Variants in LAMA1 observed in about 807,000 individuals in gnomAD.
LAMA1 encodes the protein laminin subunit alpha 1, also known as laminin subunit alpha-1.
A neutral mutation model predicts 348.7 loss-of-function variants in LAMA1; 219 were observed. The observed-to-expected ratio is 0.63, with a 90% CI of 0.56 to 0.70. The LOEUF (loss-of-function observed/expected upper bound fraction) is 0.70, where lower values mean the gene tolerates loss of function less well. Among genes scored for constraint, LAMA1 ranks in the 30% least tolerant of loss-of-function variants. LAMA1 has a pLI of 0.00. For synonymous variants in LAMA1, 1,487 were observed against 1,491.0 expected, an observed-to-expected ratio of 1.00 and a Z score of 0.06; for missense variants, 3,744 against 3,888.0, an observed-to-expected ratio of 0.96 and a Z score of 0.99.
chr18:7,063,768 T>C (rs1162786374), intron 3 of LAMA1, among the ~76,000 whole-genome samples: 2 of 152,130 alleles, frequency 1.3e-5, no homozygotes, highest in East Asian at 3.8e-4. Context: ...ACAAATAGAA[T>C]ATGATTCCAC....
chr18:7,021,057 T>C (rs1318968110), intron 19 of LAMA1, among the ~76,000 whole-genome samples: 1 of 152,156 alleles, frequency 6.6e-6, no homozygotes, highest in Non-Finnish European at 1.5e-5. Context: ...TCCATTCTGG[T>C]CACTCTCTCT....
intron 22 of LAMA1, 104 bp downstream of exon 22, chr18:7,015,618 T>TA (rs943355325): frequency 3.3e-5 from 41 of 1,257,234 alleles, no homozygotes; most frequent in Admixed American, 3.2e-4. Flanking sequence ...TTCACAAAGC[T>TA]ATTCAACAGA....
chr18:6,958,074 T>A (rs188747843), intron 55 of LAMA1, among the ~76,000 whole-genome samples: 3 of 152,300 alleles, frequency 2.0e-5, no homozygotes, highest in Admixed American at 2.0e-4. Context: ...CAGTAATTGT[T>A]TTTGGGGAAG....
chr18:7,072,142 T>C (rs77812840), intron 3 of LAMA1, among the ~76,000 whole-genome samples: 15 of 152,374 alleles, frequency 9.8e-5, no homozygotes, highest in Middle Eastern at 6.8e-3. Flanking sequence ...AGAATAATTA[T>C]TGACTTATGA....
chr18:6,953,654 C>T (rs987748951), intron 57 of LAMA1: 5 of 152,314 alleles, frequency 3.3e-5, no homozygotes, highest in Middle Eastern at 6.8e-3. Flanking sequence ...CTCCCTATAC[C>T]TCAATCTCCT....
intron 57 of LAMA1, among the ~76,000 whole-genome samples, chr18:6,951,375 A>G (rs1300756574): frequency 6.6e-6 from 1 of 152,226 alleles, no homozygotes; most frequent in Non-Finnish European, 1.5e-5. Context: ...TGAGAGCTTG[A>G]TGGCAGGGGA....
intron 1 of LAMA1, among the ~76,000 whole-genome samples, chr18:7,081,578 G>C (rs2058193604): frequency 2.6e-5 from 4 of 152,202 alleles, no homozygotes; most frequent in Admixed American, 6.5e-5. Context: ...GCCAAGATCA[G>C]TACCAGGTCC....
At chr18:6,998,824 G>T (rs2057794277) in intron 32 of LAMA1, among the ~76,000 whole-genome samples, 1 of 152,178 alleles carries the variant, frequency 6.6e-6, no homozygotes, top group Non-Finnish European at 1.5e-5. Flanking sequence ...CCTGAGGTCA[G>T]GAGTTCAAGA....
At chr18:6,968,794 C>A (rs569070173) in intron 48 of LAMA1, among the ~76,000 whole-genome samples, 1 of 152,252 alleles carries the variant, frequency 6.6e-6, no homozygotes, top group East Asian at 1.9e-4. Context: ...AGTTTCAATT[C>A]ATTTACTTGG....
chr18:6,961,674 G>A lies in LAMA1; in HGVS notation c.7538C>T (p.Thr2513Ile), dbSNP rs2057608273. 1 of 1,614,088 alleles carries A rather than the reference G, an allele frequency of 6.2e-7. No individual in the cohort carries two copies. The highest frequency in any genetic ancestry group is 8.5e-7 in the Non-Finnish European group (1 of 1,180,014). ...SLSPESEWLVTFATTNSSGII... is the reference protein window; with the variant it reads ...SLSPESEWLVIFATTNSSGII... ...GCCACTGCTGTTCGTGGTGGCAAAT[G>A]TTACCAGCCATTCTGATTCTGGTGA... The change falls in exon 53 of 63, where the codon ACA becomes ATA. Residue 2513 changes from threonine to isoleucine, a missense_variant. Coordinates refer to ENST00000389658, the MANE Select transcript of LAMA1 (RefSeq NM_005559.4).
At chr18:7,060,885 G>A (rs2058099662) in intron 3 of LAMA1, among the ~76,000 whole-genome samples, 1 of 152,192 alleles carries the variant, frequency 6.6e-6, no homozygotes, top group Non-Finnish European at 1.5e-5. Flanking sequence ...GCTGGGGGTG[G>A]TGGCTCATGC....
chr18:7,057,598 C>A (rs2058087288), intron 3 of LAMA1, among the ~76,000 whole-genome samples: 1 of 150,894 alleles, frequency 6.6e-6, no homozygotes, highest in Non-Finnish European at 1.5e-5. Flanking sequence ...CCTCAGCCTC[C>A]CAAATCTCTG....
intron 30 of LAMA1, among the ~76,000 whole-genome samples, chr18:7,002,033 C>A (rs971801244): frequency 6.6e-6 from 1 of 152,202 alleles, no homozygotes; most frequent in East Asian, 1.9e-4. Context: ...CCTAAAAGTC[C>A]TTTCTTTAAT....
At chr18:7,079,019 A>T (rs79288728) in intron 3 of LAMA1, among the ~76,000 whole-genome samples, 17,413 of 152,112 alleles carry the variant, frequency 0.11, 2,677 homozygotes, top group African/African-American at 0.35. Context: ...AAATAAAAAA[A>T]AATTCCTGCA....
chr18:6,995,924 TTGA>T (rs1196358064), intron 33 of LAMA1, among the ~76,000 whole-genome samples: 3 of 152,166 alleles, frequency 2.0e-5, no homozygotes, highest in Non-Finnish European at 2.9e-5. Flanking sequence ...ACCTTAAAAC[TTGA>T]TGAATACTTT....
intron 39 of LAMA1, among the ~76,000 whole-genome samples, chr18:6,984,076 A>G (rs2057723776): frequency 1.3e-5 from 2 of 152,176 alleles, no homozygotes; most frequent in Admixed American, 6.5e-5. Flanking sequence ...CTAGGTATGG[A>G]GTCAGAATAT....
At chr18:6,974,532 C>T (rs2057672793) in intron 46 of LAMA1, among the ~76,000 whole-genome samples, 1 of 150,418 alleles carries the variant, frequency 6.6e-6, no homozygotes, top group Non-Finnish European at 1.5e-5. Flanking sequence ...CCTCCACTCA[C>T]TGCAACCTCC....
Position 7,073,543 on chromosome 18 carries a change from C to A in LAMA1, c.345+6432G>T, listed in dbSNP as rs112103619. Among the ~76,000 whole-genome samples the A allele has an allele frequency of 4.3e-3, 656 of 152,240 alleles. 10 individuals are homozygous for A. The highest frequency in any genetic ancestry group is 0.015 in the African/African-American group (635 of 41,536). On this transcript the variant is annotated intron_variant, in intron 3 of 62. Coordinates refer to ENST00000389658, the MANE Select transcript of LAMA1 (RefSeq NM_005559.4). ...TTTGTGTGTGGCTTATTTCATTTAG[C>A]GTAATGTTTCCAGGGTACATACATG...
At chr18:6,989,657 G>A (rs2057750119) in intron 36 of LAMA1, among the ~76,000 whole-genome samples, 1 of 151,948 alleles carries the variant, frequency 6.6e-6, no homozygotes, top group Admixed American at 6.6e-5. Flanking sequence ...AGGGATCCTA[G>A]AGGCCCTCGC....
Sources: allele counts gnomAD v4.1 joint callset (sites outside exome capture counted in the v4.1 genomes callset), GRCh38; gene constraint gnomAD v4.1.1; transcripts MANE v1.5; gene names NCBI Gene and HGNC (gene_info 2026-07-23, HGNC 2026-07-21).